Variants in PATJ observed in about 807,000 individuals in gnomAD.
PATJ encodes the protein PATJ crumbs cell polarity complex component, also known as inaD-like protein.
A neutral mutation model predicts 224.9 loss-of-function variants in PATJ; 190 were observed. The observed-to-expected ratio is 0.84, with a 90% CI of 0.75 to 0.95. PATJ has a LOEUF of 0.95. Ranked by LOEUF, PATJ falls within the 40% of genes least tolerant of loss-of-function variation. The pLI is 0.00. For synonymous variants in PATJ, 769 were observed against 820.3 expected (o/e 0.94, Z 1.07); for missense variants, 2,121 against 2,270.3 (o/e 0.93, Z 1.34).
chr1:62,070,989 G>A (rs1010081432), intron 31 of PATJ, among the ~76,000 whole-genome samples: 6 of 152,138 alleles, frequency 3.9e-5, no homozygotes, highest in South Asian at 2.1e-4. Context: ...GTTATACATC[G>A]AATGGGAGCC....
At chr1:61,920,403 C>A (rs1271176420) in intron 26 of PATJ, among the ~76,000 whole-genome samples, 1 of 152,112 alleles carries the variant, frequency 6.6e-6, no homozygotes, top group African/African-American at 2.4e-5. Flanking sequence ...TGCACAAGCT[C>A]TCTCTCTTTG....
chr1:62,140,375 G>A (rs1471453188), intron 41 of PATJ, among the ~76,000 whole-genome samples: 2 of 152,044 alleles, frequency 1.3e-5, no homozygotes, highest in African/African-American at 2.4e-5. Flanking sequence ...ATTTTTGGCC[G>A]AGCGTGGTGG....
At position 61,771,423 on chromosome 1, in the gene PATJ, T is replaced by C. The variant is rs369648442; in HGVS notation, c.525-8T>C. ...CACTTAAAAAATTTCTTTTCTTACATGATTAAGGGATCAAAGATTAAAGGA... is the reference window on the plus strand; with the variant it reads ...CACTTAAAAAATTTCTTTTCTTACACGATTAAGGGATCAAAGATTAAAGGA... On this transcript the variant is annotated splice_polypyrimidine_tract_variant and splice_region_variant and intron_variant, in intron 5 of 43. Coordinates refer to ENST00000642238, the MANE Select transcript of PATJ (RefSeq NM_001350145.3). The C allele has an allele frequency of 7.7e-6, 12 of 1,559,496 alleles. No homozygotes were observed. The highest frequency in any genetic ancestry group is 1.0e-5 in the Non-Finnish European group (12 of 1,155,564).
intron 27 of PATJ, among the ~76,000 whole-genome samples, chr1:61,947,796 G>A (rs1036848431): frequency 2.0e-5 from 3 of 152,060 alleles, no homozygotes; most frequent in Admixed American, 6.6e-5. Flanking sequence ...GAGTCATCTC[G>A]CTACCTGACT....
rs757309529 is a variant in PATJ at position 61,775,325 on chromosome 1, A to G, written c.840A>G (p.Leu280=). The G allele has an allele frequency of 2.5e-6, 4 of 1,609,364 alleles. No homozygotes were observed. The African/African-American group carries it at 5.4e-5, about 22-fold the overall frequency. Residue 280 remains leucine, a synonymous_variant, in exon 7 of 44, where the codon TTA becomes TTG. Coordinates refer to ENST00000642238, the MANE Select transcript of PATJ (RefSeq NM_001350145.3). ...TGAGGACTATAGTTCCTGGAGGATT[A>G]GCAGATCGAGTAAGTCAACCTTCCT... ...VVVRTIVPGG[L]ADRDGRLQTG... is the part of the protein sequence containing the mutation.
At chr1:62,116,763 G>A in intron 36 of PATJ, 84 bp downstream of exon 36, 2 of 1,332,944 alleles carry the variant, frequency 1.5e-6, no homozygotes, top group Non-Finnish European at 2.0e-6. Flanking sequence ...TTATAAAATG[G>A]GTTGGATTTT....
chr1:61,923,420 G>A (rs190854199), intron 26 of PATJ, among the ~76,000 whole-genome samples: 14 of 152,246 alleles, frequency 9.2e-5, no homozygotes, highest in African/African-American at 2.9e-4. Flanking sequence ...CTTTGGGAGC[G>A]TACTCTTTTC....
chr1:61,924,223 C>T (rs984618150), intron 26 of PATJ, among the ~76,000 whole-genome samples: 5 of 151,986 alleles, frequency 3.3e-5, no homozygotes, highest in Admixed American at 3.3e-4. Context: ...CAAAAATTAG[C>T]CAGGTGTGGT....
At chr1:61,931,888 G>A (rs1676082869) in intron 27 of PATJ, among the ~76,000 whole-genome samples, 1 of 152,166 alleles carries the variant, frequency 6.6e-6, no homozygotes, top group Non-Finnish European at 1.5e-5. Context: ...AACCAGTATA[G>A]ATGCACACAT....
At chr1:61,911,803 G>A (rs1672697811) in intron 25 of PATJ, among the ~76,000 whole-genome samples, 1 of 148,336 alleles carries the variant, frequency 6.7e-6, no homozygotes, top group Non-Finnish European at 1.5e-5. Context: ...AGGAACACAT[G>A]CCTGTAAACC....
At chr1:61,996,884 AG>A (rs1291617678) in intron 28 of PATJ, among the ~76,000 whole-genome samples, 1 of 151,390 alleles carries the variant, frequency 6.6e-6, no homozygotes, top group East Asian at 1.9e-4. Flanking sequence ...CTGGGATTAC[AG>A]GTGCATACCA....
intron 31 of PATJ, among the ~76,000 whole-genome samples, chr1:62,057,935 A>G (rs149803753): frequency 1.4e-3 from 207 of 152,346 alleles, no homozygotes; most frequent in South Asian, 3.1e-3. Context: ...TGGGCTCTAT[A>G]TGTCAAGTGA....
intron 22 of PATJ, among the ~76,000 whole-genome samples, chr1:61,896,247 GATTGCAC>G (rs1670345356): frequency 6.7e-6 from 1 of 149,934 alleles, no homozygotes. Context: ...AATGACCCAA[GATTGCAC>G]CACTGCACTC....
intron 27 of PATJ, among the ~76,000 whole-genome samples, chr1:61,932,567 A>C (rs1676189420): frequency 6.6e-6 from 1 of 152,208 alleles, no homozygotes; most frequent in Non-Finnish European, 1.5e-5. Context: ...ATTTAACAAG[A>C]AATTGATGAG....
At chr1:61,910,203 T>C (rs1344159468) in intron 25 of PATJ, among the ~76,000 whole-genome samples, 1 of 152,238 alleles carries the variant, frequency 6.6e-6, no homozygotes, top group Non-Finnish European at 1.5e-5. Flanking sequence ...AATCAAATTA[T>C]ACATTTGTGT....
intron 17 of PATJ, among the ~76,000 whole-genome samples, chr1:61,837,877 G>T (rs1233376898): frequency 1.3e-5 from 2 of 151,744 alleles, no homozygotes; most frequent in Non-Finnish European, 2.9e-5. Context: ...TCTCTGGACC[G>T]GTCAGTGACT....
chr1:61,917,744 G>A (rs1198869037), intron 26 of PATJ, among the ~76,000 whole-genome samples: 1 of 152,026 alleles, frequency 6.6e-6, no homozygotes, highest in Non-Finnish European at 1.5e-5. Context: ...TAAGTTCTCT[G>A]AGAGTTTGTA....
intron 28 of PATJ, among the ~76,000 whole-genome samples, chr1:61,993,277 C>T (rs973257124): frequency 6.6e-6 from 1 of 152,082 alleles, no homozygotes; most frequent in Non-Finnish European, 1.5e-5. Context: ...GGTGAACAAC[C>T]AGATGAAGAG....
intron 21 of PATJ, among the ~76,000 whole-genome samples, chr1:61,879,611 CTTTTT>C (rs59233481): frequency 6.8e-6 from 1 of 146,246 alleles, no homozygotes; most frequent in Non-Finnish European, 1.5e-5. Flanking sequence ...AGAATTTTTC[CTTTTT>C]TTTTTTTCTG....
Sources: allele counts gnomAD v4.1 joint callset (sites outside exome capture counted in the v4.1 genomes callset), GRCh38; gene constraint gnomAD v4.1.1; transcripts MANE v1.5; gene names NCBI Gene and HGNC (gene_info 2026-07-23, HGNC 2026-07-21).